TSPEAR: variants seen among roughly 807,000 people sequenced by gnomAD.
TSPEAR encodes thrombospondin-type laminin G domain and EAR repeat-containing protein.
Under a neutral mutation model 71.6 loss-of-function variants are expected in TSPEAR, and 69 were observed. The ratio of observed to expected loss-of-function variants is 0.96; its 90% CI spans 0.79 to 1.18. The LOEUF is 1.18. TSPEAR is among the 50% of genes most tolerant of loss of function. The pLI is 0.00. For missense variants in TSPEAR, 971 were observed against 894.9 expected (o/e 1.09, Z -1.09); for synonymous variants, 402 against 387.2 (o/e 1.04, Z -0.45).
At chr21:44,666,446 T>A (rs782525235) in intron 1 of TSPEAR, 1 of 1,574,130 alleles carries the variant, frequency 6.4e-7, no homozygotes, top group Non-Finnish European at 8.6e-7. Context: ...AGATTCATGC[T>A]CAGCAGCAGG....
intron 9 of TSPEAR, among the ~76,000 whole-genome samples, chr21:44,516,744 G>GCAAA (rs2052584930): frequency 6.6e-6 from 1 of 152,160 alleles, no homozygotes; most frequent in Admixed American, 6.5e-5. Flanking sequence ...CCCATGCCAG[G>GCAAA]CAAACATTCT....
At chr21:44,529,397 G>T (rs2052922112) in intron 5 of TSPEAR, among the ~76,000 whole-genome samples, 1 of 152,230 alleles carries the variant, frequency 6.6e-6, no homozygotes, top group Non-Finnish European at 1.5e-5. Flanking sequence ...GGGCTGGTCT[G>T]GATGATGGTG....
chr21:44,574,980 C>T (rs587667837), intron 1 of TSPEAR: 130 of 1,611,712 alleles, frequency 8.1e-5, no homozygotes, highest in Middle Eastern at 6.7e-4. Flanking sequence ...CGTGTGCTCC[C>T]GCCCAGCCTG....
intron 1 of TSPEAR, chr21:44,637,473 T>C (rs1281643593): frequency 1.2e-6 from 2 of 1,612,872 alleles, no homozygotes; most frequent in African/African-American, 2.7e-5. Context: ...TCTTGGCGGG[T>C]AGTCGACTGC....
chr21:44,614,954 G>A (rs1173450254), intron 1 of TSPEAR, among the ~76,000 whole-genome samples: 2 of 152,206 alleles, frequency 1.3e-5, no homozygotes, highest in African/African-American at 4.8e-5. Context: ...CTGCCGACAG[G>A]AACCCCAGGC....
chr21:44,679,926 T>C (rs1436097760), intron 1 of TSPEAR, among the ~76,000 whole-genome samples: 2 of 152,088 alleles, frequency 1.3e-5, no homozygotes, highest in African/African-American at 4.8e-5. Context: ...CCGAAAACCA[T>C]AAAGCTACTA....
intron 1 of TSPEAR, chr21:44,600,484 G>C (rs1555928301): frequency 2.7e-5 from 28 of 1,021,904 alleles, no homozygotes. Flanking sequence ...AGGGGCAGGA[G>C]TTGTTGACAC....
chr21:44,527,268 G>T, intron 7 of TSPEAR, 24 bp downstream of exon 7: 1 of 1,612,866 alleles, frequency 6.2e-7, no homozygotes, highest in South Asian at 1.1e-5. Context: ...AGGGGATGGA[G>T]AAAGTCACCG....
chr21:44,680,543 T>C (rs1364959431), intron 1 of TSPEAR, among the ~76,000 whole-genome samples: 1 of 152,216 alleles, frequency 6.6e-6, no homozygotes, highest in Non-Finnish European at 1.5e-5. Flanking sequence ...TGCTACTATT[T>C]ATTCAAAGGA....
At position 44,596,049 on chromosome 21, in the gene TSPEAR, T is replaced by C. The variant is rs587675516; in HGVS notation, c.83-28044A>G. ...AGGCACAGTTAAATTGGGGTCTCTG[T>C]AGGGCTGTATTGGAGTGTCTCATGG... is the stretch of plus-strand genomic sequence containing the variant. On this transcript the variant is annotated intron_variant, in intron 1 of 11. Transcript: ENST00000323084. 3.3e-5 allele frequency among the ~76,000 whole-genome samples: 5 copies of C among 152,322 alleles called. No homozygotes were observed. In the South Asian group the frequency reaches 8.3e-4, roughly 25 times the overall value.
chr21:44,592,650 T>A, intron 1 of TSPEAR: 1 of 1,100,258 alleles, frequency 9.1e-7, no homozygotes, highest in Non-Finnish European at 1.3e-6. Context: ...GCCCGTGATG[T>A]GGGCCAGCTC....
At chr21:44,666,928 T>C (rs1325053963) in intron 1 of TSPEAR, 2 of 1,591,674 alleles carry the variant, frequency 1.3e-6, no homozygotes, top group Non-Finnish European at 1.7e-6. Flanking sequence ...AGGGCAGTGA[T>C]GTCTGGGGAC....
intron 1 of TSPEAR, chr21:44,575,095 G>T: frequency 1.5e-6 from 2 of 1,334,930 alleles, no homozygotes; most frequent in Non-Finnish European, 2.1e-6. Context: ...GTCCTGAATT[G>T]CTCCTGCACT....
chr21:44,647,188 G>A (rs782750299), intron 1 of TSPEAR: 43 of 1,613,356 alleles, frequency 2.7e-5, no homozygotes, highest in African/African-American at 5.4e-5. Context: ...CTGCCACCCC[G>A]TGTGCAGGTC....
At chr21:44,538,893 T>C in intron 2 of TSPEAR, 1 of 292,022 alleles carries the variant, frequency 3.4e-6, no homozygotes, top group Admixed American at 4.7e-5. Context: ...CTAGGTTAAG[T>C]CACTCATTCC....
intron 1 of TSPEAR, among the ~76,000 whole-genome samples, chr21:44,649,728 G>T (rs1984661369): frequency 6.6e-6 from 1 of 152,186 alleles, no homozygotes; most frequent in South Asian, 2.1e-4. Context: ...CCACCCTCAG[G>T]CCCAGCTTCG....
intron 8 of TSPEAR, among the ~76,000 whole-genome samples, chr21:44,524,758 TAGTC>T (rs367670194): frequency 0.042 from 6,370 of 151,570 alleles, 410 homozygotes; most frequent in African/African-American, 0.14. Flanking sequence ...GTCAGTAAGG[TAGTC>T]AGTCAGGTAA....
At chr21:44,539,765 GGCTGGCAGCTAGACT>G in intron 2 of TSPEAR, 2 of 1,612,570 alleles carry the variant, frequency 1.2e-6, no homozygotes, top group East Asian at 4.5e-5. Context: ...ACAGCAAGTT[GGCTGGCAGCTAGACT>G]GCTGGCAGCA....
chr21:44,567,895 C>G lies in TSPEAR; in HGVS notation c.193G>C (p.Ala65Pro). ...GCTGGGAAGCTCATGGTGCGGGGGG[C>G]GGCTACTGAGAGCTGGAGTCCCCGT... Reference protein sequence around the residue: ...GARGLQLSVAAPRTMSFPASR... With the variant: ...GARGLQLSVAPPRTMSFPASR... Residue 65 changes from alanine to proline, a missense_variant, in exon 2 of 12, where the codon GCC (alanine) becomes CCC (proline). Physicochemically the swap from Ala to Pro is conservative, Grantham distance 27. Transcript: ENST00000323084. The G allele has an allele frequency of 6.2e-7, 1 of 1,607,058 alleles. No homozygotes were observed. The highest frequency in any genetic ancestry group is 2.2e-5 in the East Asian group (1 of 44,674).
Sources: gnomAD v4.1 joint callset for allele counts (sites outside exome capture counted in the v4.1 genomes callset) on GRCh38, gnomAD v4.1.1 for gene constraint, MANE v1.5 for transcripts, NCBI Gene and HGNC (gene_info 2026-07-23, HGNC 2026-07-21) for gene names.